The following EVC2 variants were observed in gnomAD, a reference collection of about 807,000 sequenced individuals.
EVC2 encodes the protein limbin.
Under a neutral mutation model 149.3 loss-of-function variants are expected in EVC2, and 148 were observed. The observed-to-expected ratio is 0.99, with a 90% CI of 0.87 to 1.14. EVC2 has a LOEUF of 1.14. Ranked by LOEUF, EVC2 falls within the 50% of genes most tolerant of loss-of-function variation. The pLI, the probability that EVC2 is intolerant of heterozygous loss-of-function variation, is 0.00. For synonymous variants in EVC2, 776 were observed against 649.9 expected (o/e 1.19, Z -2.95); for missense variants, 1,854 against 1,627.3 (o/e 1.14, Z -2.40).
rs186349183 is a variant in EVC2, at chr4:5,640,643, G to A, written c.1341C>T (p.Tyr447=). 1.1e-4 allele frequency: 171 copies of A among 1,613,904 alleles called. 2 individuals are homozygous for A. The East Asian group carries it at 2.5e-3, about 24-fold the overall frequency. The part of the protein sequence containing the change: ...LLLENEIQEE[Y]DRKMVALTAE... ...CTGTCAATGCCACCATCTTCCGATC[G>A]TACTCCTCTTGTATTTCATTTTCCA... The change falls in exon 10 of 22, where the codon TAC becomes TAT. Residue 447 remains tyrosine, a synonymous_variant. Transcript: ENST00000344408. This position sits in a 1 kb window ranked among gnomAD's most constrained non-coding sequence, Gnocchi z 4.6.
intron 1 of EVC2, among the ~76,000 whole-genome samples, chr4:5,701,594 G>C (rs756989839): frequency 6.6e-6 from 1 of 152,164 alleles, no homozygotes; most frequent in African/African-American, 2.4e-5. Context: ...CCAGTCGAGA[G>C]TTCCTCCTGA....
chr4:5,612,268 G>A (rs1420225437), intron 16 of EVC2, among the ~76,000 whole-genome samples: 1 of 152,128 alleles, frequency 6.6e-6, no homozygotes, highest in African/African-American at 2.4e-5. Context: ...TCTGCGGTCT[G>A]TATTTCCCAA....
In EVC2 at chr4:5,689,277, A is replaced by T. The variant is rs753223509; in HGVS notation, c.586T>A (p.Ser196Thr). ...WLLVNNTKTTSSANLSELLLL... is the reference protein window; with the variant it reads ...WLLVNNTKTTTSANLSELLLL... Reference sequence around the variant, plus strand: ...AGCAGCTCCGAGAGGTTGGCTGACGAGGTTGTCTTGGTGTTGTTAACAAGC... The same window carrying T: ...AGCAGCTCCGAGAGGTTGGCTGACGTGGTTGTCTTGGTGTTGTTAACAAGC... The change falls in exon 5 of 22, where the codon TCG becomes ACG. Residue 196 changes from serine to threonine, a missense_variant. By Grantham distance (58) the Ser-to-Thr change is moderately conservative (BLOSUM62 1). Coordinates refer to ENST00000344408, the MANE Select transcript of EVC2 (RefSeq NM_147127.5). 6.2e-7 allele frequency: 1 copy of T among 1,614,180 alleles called. No individual in the cohort carries two copies. Among genetic ancestry groups the T allele is most frequent in the Non-Finnish European group, 8.5e-7 (1 of 1,180,042 alleles).
intron 16 of EVC2, among the ~76,000 whole-genome samples, chr4:5,594,834 C>A (rs894537365): frequency 2.6e-5 from 4 of 151,962 alleles, no homozygotes; most frequent in African/African-American, 9.7e-5. Context: ...AAAATTTAGG[C>A]GAATGTATAA....
In EVC2 at chr4:5,681,115, G is replaced by A. The variant is rs553622899; in HGVS notation, c.870+145C>T. The A allele has an allele frequency of 6.5e-5, 59 of 911,988 alleles. No individual in the cohort carries two copies. In the East Asian group the frequency reaches 8.1e-4, roughly 13 times the overall value. 56.5% of individuals were successfully genotyped at this position (911,988 alleles called of 1,614,324 possible). A position where few individuals can be genotyped will look rare whatever the true frequency, so the allele number is the denominator to read the frequency against. On this transcript the variant is annotated intron_variant, in intron 7 of 21. Transcript: ENST00000344408. ...TAGCCTCAGGGCACACGGGGGACCC[G>A]AGAGACTGCACAGAGTCCCAGTCTC...
chr4:5,640,873 A>G lies in EVC2; in HGVS notation c.1146-35T>C, dbSNP rs1230061466. On this transcript the variant is annotated intron_variant, in intron 9 of 21. Coordinates refer to ENST00000344408, the MANE Select transcript of EVC2 (RefSeq NM_147127.5). This position sits in a 1 kb window ranked among gnomAD's most constrained non-coding sequence, Gnocchi z 4.6. ...ACAAAAATCAAAAGAATTCCATTACATGAAATTGCAACAGAAACCAAAGGT... is the reference window on the plus strand; with the variant it reads ...ACAAAAATCAAAAGAATTCCATTACGTGAAATTGCAACAGAAACCAAAGGT... 1.2e-6 allele frequency: 2 copies of G among 1,612,404 alleles called. No individual in the cohort carries two copies. Among genetic ancestry groups the G allele is most frequent in the Admixed American group, 3.3e-5 (2 of 60,004 alleles).
rs747876686 is a variant in EVC2 at position 5,631,887 on chromosome 4, C to A, written c.1616G>T (p.Ser539Ile). Residue 539 changes from serine (S) to isoleucine (I), a missense_variant, in exon 11 of 22, where the codon AGT (serine) becomes ATT (isoleucine). Transcript: ENST00000344408. ...LAVFQRNELH[S>I]IFFTQIKSAI... ...ACTTTTTATCTGGGTAAAAAAGATACTGTGCAGTTCATTTCTCTGGAAAAC... is the reference window on the plus strand; with the variant it reads ...ACTTTTTATCTGGGTAAAAAAGATAATGTGCAGTTCATTTCTCTGGAAAAC... 1.9e-6 allele frequency: 3 copies of A among 1,614,232 alleles called. No individual in the cohort carries two copies. The highest frequency in any genetic ancestry group is 1.7e-6 in the Non-Finnish European group (2 of 1,180,044).
At chr4:5,631,114 A>T (rs753403427) in intron 11 of EVC2, among the ~76,000 whole-genome samples, 1 of 152,348 alleles carries the variant, frequency 6.6e-6, no homozygotes, top group South Asian at 2.1e-4. Flanking sequence ...ATTTTGTTGG[A>T]CTAACAACAT....
chr4:5,676,080 G>A (rs1023399877), intron 7 of EVC2, among the ~76,000 whole-genome samples: 3 of 152,148 alleles, frequency 2.0e-5, no homozygotes, highest in Non-Finnish European at 4.4e-5. Context: ...TTCTCCTGGT[G>A]CCCGGCACAG....
At position 5,686,728 on chromosome 4, in the gene EVC2, T is replaced by C. The variant is rs986724981; in HGVS notation, c.707-1249A>G. On this transcript the variant is annotated intron_variant, in intron 5 of 21. Transcript: ENST00000344408. This position sits in a 1 kb window ranked among gnomAD's most constrained non-coding sequence, Gnocchi z 5.4. ...AAATAATAATGATGAGGTCAGAATG[T>C]CAATGAACTGGGACCTGACTGGTCA... is the stretch of plus-strand genomic sequence containing the variant. Among the ~76,000 whole-genome samples, 1 of 152,064 alleles carries C rather than the reference T, an allele frequency of 6.6e-6. No homozygotes were observed. Among genetic ancestry groups the C allele is most frequent in the African/African-American group, 2.4e-5 (1 of 41,398 alleles).
chr4:5,667,844 A>G (rs572709360), intron 7 of EVC2, among the ~76,000 whole-genome samples: 2 of 152,362 alleles, frequency 1.3e-5, no homozygotes, highest in African/African-American at 4.8e-5. Context: ...CAAGAAAAAC[A>G]GCAGGTAATC....
At chr4:5,538,913 C>A (rs917567329), downstream of EVC2, among the ~76,000 whole-genome samples, 2 of 152,100 alleles carry the variant, frequency 1.3e-5, no homozygotes, top group Admixed American at 1.3e-4. Flanking sequence ...TCCGCTCTCA[C>A]CAACTCATTA....
intron 5 of EVC2, among the ~76,000 whole-genome samples, chr4:5,685,970 AC>A (rs1189450264): frequency 6.6e-6 from 1 of 152,106 alleles, no homozygotes; most frequent in African/African-American, 2.4e-5. Flanking sequence ...TTTCTCCCTA[AC>A]AGAGTTTACT....
At position 5,618,750 on chromosome 4, in the gene EVC2, G is replaced by T. The variant is rs905216715; in HGVS notation, c.2502-68C>A. On this transcript the variant is annotated intron_variant, in intron 14 of 21. Transcript: ENST00000344408. The surrounding 1 kb of genome is among the most constrained non-coding windows in gnomAD (Gnocchi z 4.4). ...CTGGGGGCTGGGCTGGGGTGAAGAA[G>T]CCAGAGATGCAAAGCTCATTCCTCA... is the stretch of plus-strand genomic sequence containing the variant. 1.4e-6 allele frequency: 2 copies of T among 1,422,438 alleles called. No homozygotes were observed. The highest frequency in any genetic ancestry group is 1.4e-5 in the African/African-American group (1 of 70,606). The allele number at this position is 1,422,438 out of a possible 1,614,324, so 88.1% of individuals were successfully genotyped here.
chr4:5,697,454 C>T (rs1448409232), intron 2 of EVC2, 139 bp downstream of exon 2: 2 of 835,944 alleles, frequency 2.4e-6, no homozygotes, highest in East Asian at 2.6e-5. Flanking sequence ...TCTGTAAGGT[C>T]AGGGAATGAT....
chr4:5,663,902 C>T (rs1719080340), intron 8 of EVC2, among the ~76,000 whole-genome samples: 1 of 152,048 alleles, frequency 6.6e-6, no homozygotes, highest in Non-Finnish European at 1.5e-5. Context: ...TCCTGGGAGA[C>T]AGAGTGAGAC....
intron 7 of EVC2, 131 bp downstream of exon 7, chr4:5,681,128 GA>G: frequency 2.0e-6 from 2 of 995,866 alleles, no homozygotes; most frequent in East Asian, 4.9e-5. Flanking sequence ...AGACTGCACA[GA>G]GTCCCAGTCT....
At position 5,694,478 on chromosome 4, in the gene EVC2, A is replaced by G. The variant is rs140877783; in HGVS notation, c.307T>C (p.Leu103=). 6.7e-4 allele frequency: 1,077 copies of G among 1,614,158 alleles called. 7 individuals carry two copies. In the African/African-American group the frequency reaches 0.013, roughly 19 times the overall value. The change falls in exon 3 of 22, where the codon TTG becomes CTG. Residue 103 remains leucine (L), a synonymous_variant. Transcript: ENST00000344408. ...TAVEAPLGMK[L]DKKMEVFIPL... ...ATGAAGACTTCCATTTTCTTGTCCA[A>G]TTTCATTCCAAGTGGTGCTTCCACT...
At chr4:5,593,742 G>T (rs530904722) in intron 16 of EVC2, among the ~76,000 whole-genome samples, 1 of 152,272 alleles carries the variant, frequency 6.6e-6, no homozygotes, top group Admixed American at 6.5e-5. Flanking sequence ...ACAGTGCACC[G>T]TGCGTGAGCC....
Sources: gnomAD v4.1 joint callset for allele counts (sites outside exome capture counted in the v4.1 genomes callset) on GRCh38, gnomAD v4.1.1 for gene constraint, Gnocchi (gnomAD v3.1) non-coding constraint, MANE v1.5 for transcripts, NCBI Gene and HGNC (gene_info 2026-07-23, HGNC 2026-07-21) for gene names.